ZC3H11A: variants seen among roughly 807,000 people sequenced by gnomAD.
ZC3H11A encodes the protein zinc finger CCCH-type containing 11A, also known as zinc finger CCCH domain-containing protein 11A.
In ZC3H11A, 22 loss-of-function variants were observed where a neutral mutation model predicts 90.8. The ratio of observed to expected loss-of-function variants is 0.24; its 90% CI spans 0.17 to 0.35. The LOEUF (loss-of-function observed/expected upper bound fraction) is 0.35, where lower values mean the gene tolerates loss of function less well. ZC3H11A is among the 10% of genes least tolerant of loss of function. The probability of loss-of-function intolerance (pLI) is 1.00; values close to 1 mark genes in which losing one functional copy is unlikely to be tolerated. For missense variants in ZC3H11A, 701 were observed against 964.9 expected (o/e 0.73, Z 3.62); for synonymous variants, 294 against 339.8 (o/e 0.87, Z 1.48).
Position 203,802,714 on chromosome 1 carries a change from C to CTTTTTTTT in ZC3H11A, c.-446_-439dup, listed in dbSNP as rs150416242. The CTTTTTTTT allele has an allele frequency of 1.5e-5, 2 of 131,688 alleles. No homozygotes were observed. The highest frequency in any genetic ancestry group is 5.5e-5 in the African/African-American group (2 of 36,540). The allele number at this position is 131,688 out of a possible 1,614,324, so 8.2% of individuals were successfully genotyped here. A position where few individuals can be genotyped will look rare whatever the true frequency, so the allele number is the denominator to read the frequency against. ...TCTCAAGTTCATCTTTAAATGAACT[C>CTTTTTTTT]TTTTTTTTTGTTTTTTTTTTGTTTT... is the stretch of plus-strand genomic sequence containing the variant. On this transcript the variant is annotated 5_prime_UTR_variant, in exon 2 of 18. It removes the in-frame stop codon of an upstream open reading frame in the 5' UTR. Transcript: ENST00000367210.
chr1:203,816,855 C>T (rs771784793), intron 2 of ZC3H11A, 71 bp from the exon 3 acceptor site: 80 of 482,882 alleles, frequency 1.7e-4, no homozygotes, highest in Non-Finnish European at 2.8e-4. Context: ...AATACGATCT[C>T]ATTAGCCATG....
chr1:203,838,548 G>A (rs1021969727), intron 11 of ZC3H11A, among the ~76,000 whole-genome samples: 6 of 152,222 alleles, frequency 3.9e-5, no homozygotes, highest in African/African-American at 1.4e-4. Context: ...AACTGCATAT[G>A]GCTGAAACAT....
At chr1:203,837,102 C>T (rs1572245748) in intron 10 of ZC3H11A, among the ~76,000 whole-genome samples, 1 of 151,946 alleles carries the variant, frequency 6.6e-6, no homozygotes. Context: ...CAAGACCAGC[C>T]TGGGCAACAT....
chr1:203,798,261 T>C, intron 1 of ZC3H11A: 1 of 1,536,024 alleles, frequency 6.5e-7, no homozygotes, highest in Non-Finnish European at 8.7e-7. Flanking sequence ...AAGAGGGAGA[T>C]TTCTCATCAA....
At chr1:203,843,424 T>C (rs928082223) in intron 12 of ZC3H11A, among the ~76,000 whole-genome samples, 1 of 152,252 alleles carries the variant, frequency 6.6e-6, no homozygotes, top group Non-Finnish European at 1.5e-5. Context: ...TTGGGACATA[T>C]GCCTGCATGT....
At chr1:203,850,877 T>C (rs1432316053) in intron 16 of ZC3H11A, among the ~76,000 whole-genome samples, 180 bp from the exon 17 acceptor site, 1 of 152,250 alleles carries the variant, frequency 6.6e-6, no homozygotes, top group Non-Finnish European at 1.5e-5. Flanking sequence ...TTTTAAAAGC[T>C]AATTTTTAGG....
intron 5 of ZC3H11A, 145 bp from the exon 6 acceptor site, chr1:203,829,306 C>A: frequency 1.3e-6 from 1 of 782,494 alleles, no homozygotes; most frequent in Non-Finnish European, 2.0e-6. Flanking sequence ...TTTTCCCTCC[C>A]TGGGACTTTA....
intron 12 of ZC3H11A, among the ~76,000 whole-genome samples, chr1:203,841,154 T>A (rs891255824): frequency 7.3e-6 from 1 of 137,442 alleles, no homozygotes; most frequent in South Asian, 2.2e-4. Flanking sequence ...TTTTTTTTTT[T>A]TTATTTTTTT....
intron 4 of ZC3H11A, among the ~76,000 whole-genome samples, chr1:203,819,226 ATT>A (rs967842944): frequency 8.1e-6 from 1 of 123,802 alleles, no homozygotes; most frequent in African/African-American, 3.0e-5. Context: ...CTTTCTTTTT[ATT>A]TTTTTTTTTT....
chr1:203,796,238 A>G (rs1668450314), intron 1 of ZC3H11A: 1 of 393,960 alleles, frequency 2.5e-6, no homozygotes, highest in South Asian at 1.4e-4. Flanking sequence ...TCACTGCCTA[A>G]ATCAATCAGA....
chr1:203,822,323 T>C (rs898276787), intron 4 of ZC3H11A, among the ~76,000 whole-genome samples: 3 of 152,092 alleles, frequency 2.0e-5, no homozygotes, highest in Admixed American at 6.5e-5. Context: ...CAAGGACACC[T>C]TTCTCACCAT....
chr1:203,799,378 C>T (rs1050828823), intron 1 of ZC3H11A: 20 of 703,342 alleles, frequency 2.8e-5, no homozygotes, highest in Non-Finnish European at 3.9e-5. Context: ...TTTAGTCATT[C>T]GGTCAAGGCC....
chr1:203,819,214 T>C (rs1281674681), intron 4 of ZC3H11A, among the ~76,000 whole-genome samples: 2 of 121,748 alleles, frequency 1.6e-5, no homozygotes, highest in East Asian at 1.9e-4. Context: ...CAATTTTTTT[T>C]TCTTTCTTTT....
intron 8 of ZC3H11A, among the ~76,000 whole-genome samples, chr1:203,830,578 C>T (rs769179246): frequency 5.3e-4 from 80 of 151,966 alleles, no homozygotes; most frequent in Admixed American, 1.1e-3. Context: ...TTTGGGAGGC[C>T]GAGGAGGGCG....
rs761687342 is a variant in ZC3H11A, at chr1:203,848,341, A to G, written c.1557A>G (p.Glu519=). ...TTAATGTGAATACAGGGATGAAAGA[A>G]GAGAAGAACCTTCAGGAAGGAAATG... The part of the protein sequence containing the change: ...LRITKRTGMK[E]EKNLQEGNEV... The change falls in exon 14 of 18, where the codon GAA becomes GAG. Residue 519 remains glutamate, a synonymous_variant. Coordinates refer to ENST00000367210, the MANE Select transcript of ZC3H11A (RefSeq NM_001376342.1). 8.7e-6 allele frequency: 14 copies of G among 1,612,678 alleles called. No homozygotes were observed. In the South Asian group the frequency reaches 1.5e-4, roughly 18 times the overall value.
Position 203,828,165 on chromosome 1 carries a change from C to T in ZC3H11A, c.175-134C>T, listed in dbSNP as rs1681175409. On this transcript the variant is annotated intron_variant, in intron 4 of 17. Coordinates refer to ENST00000367210, the MANE Select transcript of ZC3H11A (RefSeq NM_001376342.1). ...TATGTTATTTTCAGCAATCTCTCTT[C>T]CTTCTAAAAATCATCTCATCTCACA... is the stretch of plus-strand genomic sequence containing the variant. 27 of 998,658 alleles carry T rather than the reference C, an allele frequency of 2.7e-5. No homozygotes were observed. In the South Asian group the frequency reaches 4.2e-4, roughly 16 times the overall value. 61.9% of individuals were successfully genotyped at this position (998,658 alleles called of 1,614,324 possible).
chr1:203,809,859 C>A (rs1673733962), intron 2 of ZC3H11A, among the ~76,000 whole-genome samples: 1 of 152,106 alleles, frequency 6.6e-6, no homozygotes, highest in Non-Finnish European at 1.5e-5. Context: ...GAGGGTGAGG[C>A]AGGAGAATTG....
chr1:203,797,840 C>T (rs980082786), intron 1 of ZC3H11A: 1 of 1,535,944 alleles, frequency 6.5e-7, no homozygotes, highest in Non-Finnish European at 8.7e-7. Context: ...CTTCCAATGA[C>T]CCTGAGCAGG....
intron 4 of ZC3H11A, among the ~76,000 whole-genome samples, chr1:203,827,111 A>T (rs1680776116): frequency 6.6e-6 from 1 of 152,186 alleles, no homozygotes; most frequent in Non-Finnish European, 1.5e-5. Flanking sequence ...GGCATTGAGT[A>T]TAGCAATGGT....
Sources: allele counts gnomAD v4.1 joint callset (sites outside exome capture counted in the v4.1 genomes callset), GRCh38; gene constraint gnomAD v4.1.1; transcripts MANE v1.5; gene names NCBI Gene and HGNC (gene_info 2026-07-23, HGNC 2026-07-21).